The following HBS1L variants were observed in gnomAD, a reference collection of about 807,000 sequenced individuals.
HBS1L encodes the protein HBS1 like translational GTPase, also known as HBS1-like protein.
A neutral mutation model predicts 88.9 loss-of-function variants in HBS1L; 55 were observed. The observed-to-expected ratio is 0.62, with a 90% CI of 0.50 to 0.77. The LOEUF is 0.77. HBS1L is among the 30% of genes least tolerant of loss of function. The probability of loss-of-function intolerance (pLI) is 0.00; values close to 1 mark genes in which losing one functional copy is unlikely to be tolerated. For synonymous variants in HBS1L, 267 were observed against 288.5 expected, an observed-to-expected ratio of 0.93 and a Z score of 0.76; for missense variants, 741 against 829.3, an observed-to-expected ratio of 0.89 and a Z score of 1.31.
intron 7 of HBS1L, among the ~76,000 whole-genome samples, chr6:134,994,263 T>G (rs1775228833): frequency 6.6e-6 from 1 of 152,200 alleles, no homozygotes; most frequent in South Asian, 2.1e-4. Context: ...TTCTTCACGT[T>G]CTACACTTAT....
intron 2 of HBS1L, among the ~76,000 whole-genome samples, chr6:135,048,534 TC>T (rs928555982): frequency 3.3e-5 from 5 of 152,142 alleles, no homozygotes; most frequent in Non-Finnish European, 7.4e-5. Flanking sequence ...AAGAACCCTC[TC>T]CTCAAGGTCT....
chr6:134,999,448 CTTTT>C (rs35807723), intron 5 of HBS1L, among the ~76,000 whole-genome samples: 8 of 124,770 alleles, frequency 6.4e-5, no homozygotes, highest in African/African-American at 1.8e-4. Flanking sequence ...TTTTTCTTTT[CTTTT>C]TTTTTTTTTT....
intron 4 of HBS1L, among the ~76,000 whole-genome samples, chr6:135,012,800 GT>G (rs938532038): frequency 1.3e-4 from 20 of 152,068 alleles, no homozygotes; most frequent in Middle Eastern, 3.4e-3. Flanking sequence ...TAATTTTATT[GT>G]GCCAAGATTT....
At chr6:135,005,910 G>T (rs866221480) in intron 4 of HBS1L, among the ~76,000 whole-genome samples, 3 of 152,192 alleles carry the variant, frequency 2.0e-5, no homozygotes, top group African/African-American at 4.8e-5. Context: ...AAAAAGATTT[G>T]CAAAGTGAAT....
intron 4 of HBS1L, among the ~76,000 whole-genome samples, chr6:135,006,309 AAG>A (rs1281756836): frequency 6.6e-6 from 1 of 152,234 alleles, no homozygotes; most frequent in African/African-American, 2.4e-5. Flanking sequence ...ATGAGAGGTA[AAG>A]CTCACGGGAA....
rs1774949177 is a variant in HBS1L, at chr6:134,985,372, A to C, written c.1461T>G (p.Pro487=). Residue 487 remains proline, a synonymous_variant, in exon 12 of 18, where the codon CCT becomes CCG. Coordinates refer to ENST00000367837, the MANE Select transcript of HBS1L (RefSeq NM_006620.4). ...FKPPQRSIDK[P]FRLCVSDVFK... ...AAACATCGGACACACATAATCTAAAAGGTTTGTCAATAGATCGCTGGGGAG... is the reference window on the plus strand; with the variant it reads ...AAACATCGGACACACATAATCTAAACGGTTTGTCAATAGATCGCTGGGGAG... 6.2e-7 allele frequency: 1 copy of C among 1,607,660 alleles called. No homozygotes were observed. The highest frequency in any genetic ancestry group is 1.3e-5 in the African/African-American group (1 of 74,506).
chr6:135,043,518 C>G (rs1245214067), intron 2 of HBS1L, among the ~76,000 whole-genome samples: 7 of 152,146 alleles, frequency 4.6e-5, no homozygotes, highest in African/African-American at 1.7e-4. Flanking sequence ...CACCTATACT[C>G]GGAAGGTTAA....
At chr6:134,968,011 G>C (rs1774366490) in intron 16 of HBS1L, among the ~76,000 whole-genome samples, 1 of 152,136 alleles carries the variant, frequency 6.6e-6, no homozygotes, top group Non-Finnish European at 1.5e-5. Context: ...CCTCCTAACA[G>C]AGAAACAGGC....
At chr6:135,042,826 C>CA (rs1415600534) in intron 2 of HBS1L, among the ~76,000 whole-genome samples, 2,999 of 39,936 alleles carry the variant, frequency 0.075, 86 homozygotes, top group African/African-American at 0.16. Flanking sequence ...AAAAAAAAAA[C>CA]AAAAAAAAAA....
chr6:134,974,270 T>A (rs1014487889), intron 15 of HBS1L, among the ~76,000 whole-genome samples: 4 of 151,464 alleles, frequency 2.6e-5, no homozygotes, highest in Non-Finnish European at 5.9e-5. Flanking sequence ...AAAAAAAAAA[T>A]TTTCAACAAC....
chr6:135,018,651 A>G (rs529046228), intron 4 of HBS1L, among the ~76,000 whole-genome samples: 6 of 152,016 alleles, frequency 3.9e-5, no homozygotes, highest in Non-Finnish European at 8.8e-5. Context: ...AAGGAGATTT[A>G]TATTTTATTT....
In HBS1L at chr6:135,029,174, T is replaced by C. The variant is rs148969519; in HGVS notation, c.430+10399A>G. 4.8e-4 allele frequency among the ~76,000 whole-genome samples: 73 copies of C among 152,154 alleles called. No homozygotes were observed. The East Asian group carries it at 0.014, about 29-fold the overall frequency. On this transcript the variant is annotated intron_variant, in intron 4 of 17. Coordinates refer to ENST00000367837, the MANE Select transcript of HBS1L (RefSeq NM_006620.4). ...AAAAATAATATTTTTTCAAAAATTA[T>C]CTTGTAGTGGAGCATAACTTTCCAA...
rs1684802349 is a variant in HBS1L, at chr6:135,054,813, C to T, written c.-122G>A. On this transcript the variant is annotated 5_prime_UTR_variant, in exon 1 of 18. Coordinates refer to ENST00000367837, the MANE Select transcript of HBS1L (RefSeq NM_006620.4). ...ATGCGCCATCTTGGCTTCCCGCAGG[C>T]CTCTGCGCCGAGCGCCTGCGCAAGC... 3 of 1,240,090 alleles carry T rather than the reference C, an allele frequency of 2.4e-6. No homozygotes were observed. Among genetic ancestry groups the T allele is most frequent in the African/African-American group, 3.0e-5 (2 of 67,112 alleles). The allele number at this position is 1,240,090 out of a possible 1,614,324, so 76.8% of individuals were successfully genotyped here. A position where few individuals can be genotyped will look rare whatever the true frequency, so the allele number is the denominator to read the frequency against.
chr6:135,028,472 G>A (rs1430698906), intron 4 of HBS1L, among the ~76,000 whole-genome samples: 1 of 148,118 alleles, frequency 6.8e-6, no homozygotes, highest in Non-Finnish European at 1.5e-5. Context: ...TTTGACCCCA[G>A]AATCTTCAAA....
At chr6:135,037,343 C>G (rs1354406835) in intron 4 of HBS1L, 2 of 1,551,902 alleles carry the variant, frequency 1.3e-6, no homozygotes, top group South Asian at 2.4e-5. Context: ...GATGGACTTT[C>G]ACACTGAGAA....
Position 134,999,448 on chromosome 6 carries a change from C to CTTTTT in HBS1L, c.540-1797_540-1793dup, listed in dbSNP as rs35807723. Among the ~76,000 whole-genome samples, 69 of 124,744 alleles carry CTTTTT rather than the reference C, an allele frequency of 5.5e-4. 2 individuals are homozygous for CTTTTT. The highest frequency in any genetic ancestry group is 1.2e-3 in the East Asian group (5 of 4,296). The allele number at this position is 124,744 out of a possible 152,430, so 81.8% of individuals were successfully genotyped here. A position where few individuals can be genotyped will look rare whatever the true frequency, so the allele number is the denominator to read the frequency against. ...TCATTTAAGTAAATCTTTTTCTTTTCTTTTTTTTTTTTTTTTTGAGATGGA... is the reference window on the plus strand; with the variant it reads ...TCATTTAAGTAAATCTTTTTCTTTTCTTTTTTTTTTTTTTTTTTTTTTGAGATGGA... On this transcript the variant is annotated intron_variant, in intron 5 of 17. Transcript: ENST00000367837.
intron 4 of HBS1L, among the ~76,000 whole-genome samples, chr6:135,032,957 T>TTTTAAAAATA: frequency 1.7e-5 from 1 of 59,106 alleles, no homozygotes. Flanking sequence ...TTTTAAAAAG[T>TTTTAAAAATA]GCTCTGTACA....
At chr6:134,969,441 G>A in intron 15 of HBS1L, 103 bp from the exon 16 acceptor site, 1 of 734,574 alleles carries the variant, frequency 1.4e-6, no homozygotes, top group South Asian at 1.6e-5. Flanking sequence ...GCTACTGCTT[G>A]GAGTCTTTCA....
At chr6:135,002,914 TTTAAATTATAGA>T (rs770396157) in intron 4 of HBS1L, 72 bp from the exon 5 acceptor site, 127 of 844,810 alleles carry the variant, frequency 1.5e-4, no homozygotes, top group Non-Finnish European at 2.2e-4. Flanking sequence ...TACATAGTAT[TTTAAATTATAGA>T]TTATGATAAC....
Sources: allele counts gnomAD v4.1 joint callset (sites outside exome capture counted in the v4.1 genomes callset), GRCh38; gene constraint gnomAD v4.1.1; transcripts MANE v1.5; gene names NCBI Gene and HGNC (gene_info 2026-07-23, HGNC 2026-07-21).